ARHGEF6: variants seen among roughly 807,000 people sequenced by gnomAD.
ARHGEF6 encodes the protein Rac/Cdc42 guanine nucleotide exchange factor 6.
In ARHGEF6, 9 loss-of-function variants were observed where a neutral mutation model predicts 70.3. The observed-to-expected ratio is 0.13, with a 90% CI of 0.08 to 0.22. The LOEUF is 0.22. Ranked by LOEUF, ARHGEF6 falls within the 10% of genes least tolerant of loss-of-function variation. The probability of loss-of-function intolerance (pLI) is 1.00; values close to 1 mark genes in which losing one functional copy is unlikely to be tolerated. For missense variants in ARHGEF6, 470 were observed against 563.0 expected, an observed-to-expected ratio of 0.83 and a Z score of 1.67; for synonymous variants, 201 against 207.8, an observed-to-expected ratio of 0.97 and a Z score of 0.28.
Position 136,668,022 on chromosome X carries a change from G to T in ARHGEF6, c.*7C>A. On this transcript the variant is annotated 3_prime_UTR_variant, in exon 22 of 22. Transcript: ENST00000250617. ...AAGGCACACTCCACCCAGTGGCACA[G>T]TGATGGTTATGGAAGAATTGAGGTC... The T allele has an allele frequency of 8.3e-7, 1 of 1,211,841 alleles. No individual in the cohort carries two copies. The highest frequency in any genetic ancestry group is 1.1e-6 in the Non-Finnish European group (1 of 895,441).
intron 5 of ARHGEF6, among the ~76,000 whole-genome samples, chrX:136,738,831 T>C (rs1488174945): frequency 8.9e-6 from 1 of 112,212 alleles, no homozygotes; most frequent in Admixed American, 9.4e-5. Flanking sequence ...AAACTAATCA[T>C]CAGCAAGTTT....
intron 11 of ARHGEF6, 61 bp downstream of exon 11, chrX:136,687,871 A>G (rs2076420299): frequency 1.0e-6 from 1 of 977,291 alleles, no homozygotes; most frequent in Non-Finnish European, 1.5e-6. Flanking sequence ...TTACACACAA[A>G]TCGCTCTTTC....
rs186190816 is a variant in ARHGEF6 at position 136,743,257 on chromosome X, G to C, written c.661+328C>G. Among the ~76,000 whole-genome samples, 316 of 90,941 alleles carry C rather than the reference G, an allele frequency of 3.5e-3. 1 individual carries two copies. The highest frequency in any genetic ancestry group is 3.7e-3 in the Non-Finnish European group (172 of 46,718). 79.0% of individuals were successfully genotyped at this position (90,941 alleles called of 115,157 possible). On this transcript the variant is annotated intron_variant, in intron 5 of 21. Transcript: ENST00000250617. ...TTATTATTGGATTCTGCCATGGTAAGTTTTAGAGTGGTGAGAAGGACTATG... is the reference window on the plus strand; with the variant it reads ...TTATTATTGGATTCTGCCATGGTAACTTTTAGAGTGGTGAGAAGGACTATG...
Position 136,747,561 on chromosome X carries a change from A to T in ARHGEF6, c.281T>A (p.Val94Asp), listed in dbSNP as rs1253949637. The T allele has an allele frequency of 7.5e-6, 9 of 1,207,071 alleles. No individual in the cohort carries two copies. The highest frequency in any genetic ancestry group is 1.0e-5 in the Non-Finnish European group (9 of 892,403). The part of the protein sequence containing the change: ...IFDPDDLYSG[V>D]NFSKVLSTLL... ...AGTACTCAGTACCTTGGAGAAATTG[A>T]CCCCTGAATAAAGGTCATCAGGATC... Residue 94 changes from valine (V) to aspartate (D), a missense_variant, in exon 3 of 22, where the codon GTC (valine) becomes GAC (aspartate). Physicochemically the swap from Val to Asp is radical, Grantham distance 152 (BLOSUM62 -3). Coordinates refer to ENST00000250617, the MANE Select transcript of ARHGEF6 (RefSeq NM_004840.3).
chrX:136,723,382 T>C (rs2076819542), intron 6 of ARHGEF6, among the ~76,000 whole-genome samples: 1 of 112,055 alleles, frequency 8.9e-6, no homozygotes, highest in African/African-American at 3.2e-5. Flanking sequence ...CTCTTCTGTT[T>C]TTTCTCTGAC....
At chrX:136,779,557 CT>C in intron 1 of ARHGEF6, 60 bp from the exon 2 acceptor site, 1 of 1,024,918 alleles carries the variant, frequency 9.8e-7, no homozygotes, top group Non-Finnish European at 1.4e-6. Flanking sequence ...GCAAAGTATA[CT>C]CATCATTTGC....
intron 6 of ARHGEF6, among the ~76,000 whole-genome samples, chrX:136,717,557 A>T (rs968045854): frequency 8.9e-6 from 1 of 112,160 alleles, no homozygotes; most frequent in Non-Finnish European, 1.9e-5. Flanking sequence ...GGATAAGTAA[A>T]GATAAAATAA....
rs760936409 is a variant in ARHGEF6 at position 136,776,079 on chromosome X, T to C, written c.249+3335A>G. On this transcript the variant is annotated intron_variant, in intron 2 of 21. Transcript: ENST00000250617. The stretch of plus-strand genomic sequence containing the variant: ...TGGAAACACATCCCATGCTCATGGA[T>C]GGGTAGAATCAATATTGTGAAAAAG... Among the ~76,000 whole-genome samples, 3 of 111,961 alleles carry C rather than the reference T, an allele frequency of 2.7e-5. No individual in the cohort carries two copies. The East Asian group carries it at 8.4e-4, about 31-fold the overall frequency.
At chrX:136,760,557 ATAAT>A (rs1305797799) in intron 2 of ARHGEF6, among the ~76,000 whole-genome samples, 3 of 112,809 alleles carry the variant, frequency 2.7e-5, no homozygotes, top group African/African-American at 9.7e-5. Flanking sequence ...GAAGATTCTA[ATAAT>A]TAATCAAATT....
chrX:136,687,719 T>C (rs2076418571), intron 11 of ARHGEF6, among the ~76,000 whole-genome samples: 1 of 112,029 alleles, frequency 8.9e-6, no homozygotes, highest in African/African-American at 3.2e-5. Flanking sequence ...ACTGTAAATG[T>C]GATTGCTTTA....
chrX:136,668,482 G>A (rs1193577414), intron 21 of ARHGEF6, among the ~76,000 whole-genome samples: 5 of 109,210 alleles, frequency 4.6e-5, no homozygotes, highest in South Asian at 4.1e-4. Flanking sequence ...CCTGAGAATC[G>A]GGTCCACAAT....
At chrX:136,739,412 C>T (rs576095574) in intron 5 of ARHGEF6, among the ~76,000 whole-genome samples, 5 of 111,744 alleles carry the variant, frequency 4.5e-5, no homozygotes, top group African/African-American at 9.8e-5. Context: ...TGCTAGGGGA[C>T]GGGGTCTATG....
intron 6 of ARHGEF6, among the ~76,000 whole-genome samples, chrX:136,718,142 CTT>C (rs967636255): frequency 9.0e-6 from 1 of 110,861 alleles, no homozygotes; most frequent in African/African-American, 3.3e-5. Context: ...TATAAAGACA[CTT>C]ATAAATTAAA....
intron 9 of ARHGEF6, among the ~76,000 whole-genome samples, chrX:136,693,468 ATT>A (rs773885348): frequency 1.2e-3 from 132 of 112,211 alleles, no homozygotes; most frequent in African/African-American, 4.2e-3. Context: ...ATAAATATAT[ATT>A]GTTATACCAA....
rs777742008 is a variant in ARHGEF6 at position 136,717,958 on chromosome X, G to A, written c.733-4588C>T. On this transcript the variant is annotated intron_variant, in intron 6 of 21. Transcript: ENST00000250617. ...ATGTGGAAGACAAAAAGCGAACAAC[G>A]AAAAGGGCAACAAATAGAAAACAGT... 3.0e-3 allele frequency among the ~76,000 whole-genome samples: 338 copies of A among 111,424 alleles called. 1 individual carries two copies. The highest frequency in any genetic ancestry group is 0.01 in the African/African-American group (321 of 30,797).
In ARHGEF6 at chrX:136,765,572, A is replaced by C. The variant is rs187715173; in HGVS notation, c.249+13842T>G. Among the ~76,000 whole-genome samples, 10 of 112,779 alleles carry C rather than the reference A, an allele frequency of 8.9e-5. 1 individual carries two copies. In the East Asian group the frequency reaches 2.8e-3, roughly 31 times the overall value. ...CGCCAGCCCTGCACAAGCAAAGACA[A>C]GGCTGAGATGTGAGTAGGCAAAAAG... On this transcript the variant is annotated intron_variant, in intron 2 of 21. Coordinates refer to ENST00000250617, the MANE Select transcript of ARHGEF6 (RefSeq NM_004840.3).
intron 13 of ARHGEF6, 64 bp from the exon 14 acceptor site, chrX:136,682,032 G>T: frequency 1.0e-6 from 1 of 968,410 alleles, no homozygotes; most frequent in South Asian, 1.9e-5. Flanking sequence ...ATTTCACTTA[G>T]ATTTTCTGAC....
intron 6 of ARHGEF6, 111 bp downstream of exon 6, chrX:136,731,991 G>T: frequency 1.7e-6 from 1 of 582,995 alleles, no homozygotes; most frequent in Non-Finnish European, 2.8e-6. Context: ...ACTCATGCAT[G>T]CAACTTTATT....
At chrX:136,756,699 C>A (rs1161011650) in intron 2 of ARHGEF6, among the ~76,000 whole-genome samples, 1 of 112,155 alleles carries the variant, frequency 8.9e-6, no homozygotes, top group Non-Finnish European at 1.9e-5. Flanking sequence ...GATGCTGTGC[C>A]AAAGTTATTA....
Sources: gnomAD v4.1 joint callset for allele counts (sites outside exome capture counted in the v4.1 genomes callset) on GRCh38, gnomAD v4.1.1 for gene constraint, MANE v1.5 for transcripts, NCBI Gene and HGNC (gene_info 2026-07-23, HGNC 2026-07-21) for gene names.